CTNNA3: variants seen among roughly 807,000 people sequenced by gnomAD.
The protein encoded by CTNNA3 is catenin alpha 3.
CTNNA3 carries 76 observed loss-of-function variants against 95.7 expected under a neutral mutation model. The ratio of observed to expected loss-of-function variants is 0.79; its 90% confidence interval spans 0.66 to 0.96. The LOEUF (loss-of-function observed/expected upper bound fraction) is 0.96, where lower values mean the gene tolerates loss of function less well. Ranked by LOEUF, CTNNA3 falls within the 40% of genes least tolerant of loss-of-function variation. The pLI, the probability that CTNNA3 is intolerant of heterozygous loss-of-function variation, is 0.00. For missense variants in CTNNA3, 1,191 were observed against 1,089.8 expected (o/e 1.09, Z -1.31); for synonymous variants, 431 against 374.4 (o/e 1.15, Z -1.74).
At chr10:66,039,886 A>G (rs2079648561) in intron 15 of CTNNA3, among the ~76,000 whole-genome samples, 1 of 152,202 alleles carries the variant, frequency 6.6e-6, no homozygotes, top group African/African-American at 2.4e-5. Context: ...TAACTAAACT[A>G]AACAGCATCT....
chr10:67,326,460 T>A (rs1841540841), intron 5 of CTNNA3, among the ~76,000 whole-genome samples: 1 of 152,170 alleles, frequency 6.6e-6, no homozygotes, highest in Admixed American at 6.5e-5. Context: ...CTGAAAAGGA[T>A]CTTATTTCTC....
At chr10:66,757,831 C>G (rs1406407198) in intron 9 of CTNNA3, among the ~76,000 whole-genome samples, 1 of 152,114 alleles carries the variant, frequency 6.6e-6, no homozygotes, top group Non-Finnish European at 1.5e-5. Context: ...CTGATATCTA[C>G]TTTTCCATAT....
intron 6 of CTNNA3, among the ~76,000 whole-genome samples, chr10:67,209,936 A>G (rs1013655193): frequency 6.6e-6 from 1 of 152,126 alleles, no homozygotes; most frequent in African/African-American, 2.4e-5. Context: ...GAGACTAAAA[A>G]TTAACTCAAT....
chr10:66,919,871 T>G (rs1429122362), intron 7 of CTNNA3, among the ~76,000 whole-genome samples: 1 of 152,224 alleles, frequency 6.6e-6, no homozygotes, highest in African/African-American at 2.4e-5. Context: ...ATTGGCATTC[T>G]GACAACCCTG....
intron 7 of CTNNA3, among the ~76,000 whole-genome samples, chr10:67,144,976 C>A (rs1860770489): frequency 6.6e-6 from 1 of 152,078 alleles, no homozygotes; most frequent in Admixed American, 6.6e-5. Context: ...CTCTTCCTTT[C>A]ATTGAATACT....
intron 13 of CTNNA3, among the ~76,000 whole-genome samples, chr10:66,218,198 C>T (rs530121903): frequency 1.3e-5 from 2 of 152,150 alleles, no homozygotes; most frequent in East Asian, 3.9e-4. Flanking sequence ...TGACAAGAAC[C>T]TGTTTTTTTC....
intron 15 of CTNNA3, among the ~76,000 whole-genome samples, chr10:66,019,216 A>G (rs2133417860): frequency 6.6e-6 from 1 of 152,306 alleles, no homozygotes; most frequent in South Asian, 2.1e-4. Context: ...GGTTTTACCC[A>G]CATTCAGTTA....
At chr10:66,386,903 C>T (rs2092897675) in intron 11 of CTNNA3, among the ~76,000 whole-genome samples, 1 of 152,118 alleles carries the variant, frequency 6.6e-6, no homozygotes, top group South Asian at 2.1e-4. Context: ...ATGTAGAAAG[C>T]TAACACTGGA....
At chr10:67,613,198 A>T (rs548851014) in intron 2 of CTNNA3, among the ~76,000 whole-genome samples, 37 of 152,268 alleles carry the variant, frequency 2.4e-4, no homozygotes, top group Non-Finnish European at 1.5e-5. Context: ...CTCCCCTCAC[A>T]GCTCCTTGTT....
At chr10:67,357,911 G>A (rs1373200627) in intron 5 of CTNNA3, among the ~76,000 whole-genome samples, 5 of 152,148 alleles carry the variant, frequency 3.3e-5, no homozygotes, top group Non-Finnish European at 5.9e-5. Flanking sequence ...AGTAATCACC[G>A]CAACACATTT....
At chr10:66,865,428 T>G (rs1158955993) in intron 7 of CTNNA3, among the ~76,000 whole-genome samples, 1 of 152,078 alleles carries the variant, frequency 6.6e-6, no homozygotes, top group Admixed American at 6.6e-5. Flanking sequence ...GAACAGTAAA[T>G]TCGAGTATGT....
chr10:67,053,873 T>C (rs184041358), intron 7 of CTNNA3, among the ~76,000 whole-genome samples: 50 of 152,296 alleles, frequency 3.3e-4, no homozygotes, highest in Admixed American at 1.8e-3. Context: ...TGTATATCTA[T>C]GACTTGTGCT....
intron 13 of CTNNA3, among the ~76,000 whole-genome samples, chr10:66,121,842 T>A (rs1364071886): frequency 1.3e-5 from 2 of 151,882 alleles, no homozygotes; most frequent in Non-Finnish European, 2.9e-5. Flanking sequence ...AGACCCTGTC[T>A]CAAAAAAAAA....
At chr10:66,874,960 A>C (rs1204476061) in intron 7 of CTNNA3, among the ~76,000 whole-genome samples, 1 of 152,176 alleles carries the variant, frequency 6.6e-6, no homozygotes, top group Non-Finnish European at 1.5e-5. Context: ...ACTTTAGCCA[A>C]GGTTCACGCA....
intron 7 of CTNNA3, among the ~76,000 whole-genome samples, chr10:66,997,222 G>A (rs1162981323): frequency 6.6e-6 from 1 of 152,084 alleles, no homozygotes; most frequent in African/African-American, 2.4e-5. Flanking sequence ...CCATAGTTGT[G>A]ACTCACATAT....
intron 6 of CTNNA3, among the ~76,000 whole-genome samples, chr10:67,211,945 A>G (rs16924235): frequency 6.6e-6 from 1 of 152,234 alleles, no homozygotes; most frequent in Non-Finnish European, 1.5e-5. Flanking sequence ...TAAAATGTGC[A>G]GATAAACACC....
intron 12 of CTNNA3, among the ~76,000 whole-genome samples, chr10:66,339,344 T>C (rs1031453748): frequency 1.3e-5 from 2 of 151,882 alleles, no homozygotes; most frequent in Non-Finnish European, 2.9e-5. Context: ...TATGGTACTT[T>C]TGTGAATATC....
At chr10:67,716,854 G>C (rs917370437) in intron 1 of CTNNA3, among the ~76,000 whole-genome samples, 1 of 152,120 alleles carries the variant, frequency 6.6e-6, no homozygotes, top group South Asian at 2.1e-4. Context: ...GGATTGCTGG[G>C]TCAAATGGTA....
intron 10 of CTNNA3, among the ~76,000 whole-genome samples, chr10:66,544,000 C>A (rs1334267848): frequency 4.7e-5 from 3 of 63,210 alleles, no homozygotes; most frequent in Non-Finnish European, 1.3e-4. Flanking sequence ...TCCTTTTGAG[C>A]TAAATGGATG....
Sources: gnomAD v4.1 joint callset for allele counts (sites outside exome capture counted in the v4.1 genomes callset) on GRCh38, gnomAD v4.1.1 for gene constraint, MANE v1.5 for transcripts, NCBI Gene and HGNC (gene_info 2026-07-23, HGNC 2026-07-21) for gene names.